The following LOC128462377 variants were observed in gnomAD, a reference collection of about 807,000 sequenced individuals.
the LOC128462377 span, among the ~76,000 whole-genome samples, chr16:89,394,729 G>A: frequency 2.5e-4 from 38 of 152,122 alleles, no homozygotes; most frequent in Middle Eastern, 6.8e-3. Flanking sequence ...TACAGGAGTC[G>A]TGTTTTATGA....
At chr16:89,409,673 C>T in the LOC128462377 span, among the ~76,000 whole-genome samples, 1 of 152,198 alleles carries the variant, frequency 6.6e-6, no homozygotes, top group African/African-American at 2.4e-5. Context: ...CACACGAAAA[C>T]TGGTTGTCGT....
chr16:89,358,411 A>G, the LOC128462377 span, among the ~76,000 whole-genome samples: 2 of 152,244 alleles, frequency 1.3e-5, no homozygotes, highest in African/African-American at 4.8e-5. Context: ...AGCCACGTGG[A>G]TAACTGCCTA....
the LOC128462377 span, among the ~76,000 whole-genome samples, chr16:89,413,538 T>C: frequency 1.3e-5 from 2 of 152,122 alleles, no homozygotes; most frequent in South Asian, 4.1e-4. Flanking sequence ...GGCAGGAGAA[T>C]GGCGTGAACC....
At chr16:89,349,133 G>GAAAAAAAAAAA in the LOC128462377 span, among the ~76,000 whole-genome samples, 3 of 1,574 alleles carry the variant, frequency 1.9e-3, no homozygotes, top group African/African-American at 4.3e-3. Flanking sequence ...GTCTCAAAAA[G>GAAAAAAAAAAA]TAAAAAAAAA....
chr16:89,366,257 G>T, the LOC128462377 span, among the ~76,000 whole-genome samples: 1 of 151,574 alleles, frequency 6.6e-6, no homozygotes, highest in Non-Finnish European at 1.5e-5. Flanking sequence ...TGGATTCCAT[G>T]TCTTCTTCTG....
At chr16:89,332,943 G>A in the LOC128462377 span, among the ~76,000 whole-genome samples, 1 of 152,222 alleles carries the variant, frequency 6.6e-6, no homozygotes, top group South Asian at 2.1e-4. Context: ...CAAGAAACGA[G>A]CTGCAACAGA....
At chr16:89,373,713 C>G in the LOC128462377 span, among the ~76,000 whole-genome samples, 6 of 152,234 alleles carry the variant, frequency 3.9e-5, no homozygotes, top group Middle Eastern at 6.3e-3. Context: ...ACGCTGCAGA[C>G]ACAACCCCAC....
the LOC128462377 span, among the ~76,000 whole-genome samples, chr16:89,408,846 T>C: frequency 6.6e-6 from 1 of 152,108 alleles, no homozygotes; most frequent in Non-Finnish European, 1.5e-5. Flanking sequence ...TTCTGGGATT[T>C]TGTAGGAAAA....
At chr16:89,408,730 C>CA in the LOC128462377 span, among the ~76,000 whole-genome samples, 116 of 152,316 alleles carry the variant, frequency 7.6e-4, 1 homozygote, top group Non-Finnish European at 2.5e-4. Context: ...GGGACTCACT[C>CA]ACTCACTTCA....
the LOC128462377 span, among the ~76,000 whole-genome samples, chr16:89,349,299 T>A: frequency 2.0e-3 from 303 of 151,856 alleles, 3 homozygotes; most frequent in African/African-American, 6.7e-3. Context: ...GAGAACACGG[T>A]GAAACCCCAT....
chr16:89,362,791 G>T, the LOC128462377 span, among the ~76,000 whole-genome samples: 3,973 of 151,854 alleles, frequency 0.026, 144 homozygotes, highest in African/African-American at 0.091. Context: ...CTCTTCCTTA[G>T]TTGAAGGTGT....
At chr16:89,357,420 G>A in the LOC128462377 span, among the ~76,000 whole-genome samples, 1 of 152,088 alleles carries the variant, frequency 6.6e-6, no homozygotes, top group African/African-American at 2.4e-5. Flanking sequence ...ATTGCTGGTG[G>A]GAACATATAA....
the LOC128462377 span, among the ~76,000 whole-genome samples, chr16:89,343,070 G>C: frequency 1.3e-5 from 2 of 152,176 alleles, no homozygotes; most frequent in African/African-American, 2.4e-5. Flanking sequence ...ACCCAGGCTG[G>C]AGTGCAGTGG....
the LOC128462377 span, among the ~76,000 whole-genome samples, chr16:89,368,604 C>T: frequency 1.4e-5 from 2 of 146,186 alleles, no homozygotes; most frequent in African/African-American, 5.2e-5. Context: ...AAACACGCAG[C>T]TCTTAAAAAA....
the LOC128462377 span, among the ~76,000 whole-genome samples, chr16:89,405,365 G>A: frequency 9.2e-5 from 14 of 152,022 alleles, no homozygotes; most frequent in Non-Finnish European, 1.8e-4. Flanking sequence ...GCTCTGTCAC[G>A]CAGGCTAGAG....
At chr16:89,386,991 T>A in the LOC128462377 span, among the ~76,000 whole-genome samples, 1 of 151,260 alleles carries the variant, frequency 6.6e-6, no homozygotes, top group African/African-American at 2.4e-5. Context: ...CTGGGAGCCC[T>A]GTATCGACTG....
the LOC128462377 span, among the ~76,000 whole-genome samples, chr16:89,341,776 A>C: frequency 6.6e-6 from 1 of 152,140 alleles, no homozygotes; most frequent in Middle Eastern, 3.4e-3. Flanking sequence ...CACAAACAAA[A>C]AGTGGCCAAG....
chr16:89,360,939 C>T, the LOC128462377 span, among the ~76,000 whole-genome samples: 3 of 152,156 alleles, frequency 2.0e-5, no homozygotes, highest in African/African-American at 7.2e-5. Flanking sequence ...TGTGTCGGGA[C>T]TTGGCCACTG....
the LOC128462377 span, among the ~76,000 whole-genome samples, chr16:89,389,061 T>C: frequency 1.3e-5 from 2 of 152,106 alleles, no homozygotes; most frequent in Admixed American, 6.5e-5. Flanking sequence ...AAAAAATAAA[T>C]AGGACAGCAA....
Sources: allele counts gnomAD v4.1 joint callset (sites outside exome capture counted in the v4.1 genomes callset), GRCh38; gene constraint gnomAD v4.1.1; transcripts MANE v1.5.